AATF: variants seen among roughly 807,000 people sequenced by gnomAD.
AATF encodes protein AATF.
A neutral mutation model predicts 63.7 loss-of-function variants in AATF; 48 were observed. The ratio of observed to expected loss-of-function variants is 0.75; its 90% confidence interval spans 0.60 to 0.96. The LOEUF (loss-of-function observed/expected upper bound fraction) is 0.96, where lower values mean the gene tolerates loss of function less well. AATF is among the 40% of genes least tolerant of loss of function. The pLI is 0.00. For missense variants in AATF, 639 were observed against 685.7 expected (o/e 0.93, Z 0.76); for synonymous variants, 258 against 247.7 (o/e 1.04, Z -0.39).
chr17:36,963,445 A>G (rs772128665), intron 4 of AATF, among the ~76,000 whole-genome samples: 5 of 152,352 alleles, frequency 3.3e-5, no homozygotes, highest in Admixed American at 2.0e-4. Context: ...AGATAGCACA[A>G]TGCCACACAT....
At chr17:37,043,169 C>T (rs1249605131) in intron 11 of AATF, 1 of 152,154 alleles carries the variant, frequency 6.6e-6, no homozygotes, top group Non-Finnish European at 1.5e-5. Flanking sequence ...TACTCTTTGC[C>T]TCTAGCATAA....
chr17:36,981,357 T>G (rs1194227099), intron 4 of AATF, among the ~76,000 whole-genome samples: 3 of 152,166 alleles, frequency 2.0e-5, no homozygotes, highest in Non-Finnish European at 4.4e-5. Context: ...TCTGGGTGGT[T>G]GTTGATTTTA....
intron 8 of AATF, among the ~76,000 whole-genome samples, chr17:36,995,459 G>T (rs112449115): frequency 2.8e-4 from 42 of 152,150 alleles, no homozygotes; most frequent in Admixed American, 5.9e-4. Flanking sequence ...TGGTAGAATT[G>T]TATGCATTTA....
intron 9 of AATF, 99 bp downstream of exon 9, chr17:37,019,171 A>G (rs2071450751): frequency 2.1e-6 from 2 of 975,506 alleles, no homozygotes; most frequent in Non-Finnish European, 3.2e-6. Flanking sequence ...GATTGGTCCT[A>G]TAATTATTGA....
intron 4 of AATF, among the ~76,000 whole-genome samples, chr17:36,967,179 C>G (rs2070997795): frequency 6.6e-6 from 1 of 152,060 alleles, no homozygotes; most frequent in South Asian, 2.1e-4. Context: ...AGATTTAGCT[C>G]TTATTCCTAC....
At chr17:36,997,490 T>G (rs1252824164) in intron 8 of AATF, among the ~76,000 whole-genome samples, 1 of 152,186 alleles carries the variant, frequency 6.6e-6, no homozygotes, top group East Asian at 1.9e-4. Context: ...GCATCGCTAA[T>G]GATCAGGGAA....
In AATF at chr17:36,953,805, C is replaced by T; in HGVS notation, c.730C>T (p.Leu244=). The change falls in exon 4 of 12, where the codon CTA becomes TTA. Residue 244 remains leucine (L), a synonymous_variant. Transcript: ENST00000619387. The part of the protein sequence containing the change: ...WDQLLEGRIK[L]QKALLTTNQL... ...CCAGCTCTTGGAAGGAAGGATCAAA[C>T]TACAAAAAGCTCTGTTGACCACCAA... 6.2e-7 allele frequency: 1 copy of T among 1,614,092 alleles called. No homozygotes were observed. Among genetic ancestry groups the T allele is most frequent in the Non-Finnish European group, 8.5e-7 (1 of 1,179,998 alleles).
intron 4 of AATF, among the ~76,000 whole-genome samples, chr17:36,958,350 A>G (rs2070919044): frequency 1.3e-5 from 2 of 151,946 alleles, no homozygotes; most frequent in Non-Finnish European, 2.9e-5. Context: ...TTTTTTTAGT[A>G]GAGATGGGGT....
intron 11 of AATF, among the ~76,000 whole-genome samples, chr17:37,037,756 A>G (rs1464041408): frequency 6.6e-6 from 1 of 152,202 alleles, no homozygotes; most frequent in African/African-American, 2.4e-5. Flanking sequence ...TTGAAATGTA[A>G]TCCCCAGTGT....
In AATF at chr17:37,031,693, A is replaced by G; in HGVS notation, c.1619+8A>G. 2 of 1,611,146 alleles carry G rather than the reference A, an allele frequency of 1.2e-6. No homozygotes were observed. The highest frequency in any genetic ancestry group is 1.7e-6 in the Non-Finnish European group (2 of 1,177,226). ...AATGAATGATGATGCCAGGTGAGTA[A>G]TAGATTAATTATGTGTCTCAAATGG... On this transcript the variant is annotated splice_region_variant and intron_variant, in intron 11 of 11. Transcript: ENST00000619387.
chr17:37,055,656 G>A (rs1295389328), intron 11 of AATF: 1 of 152,230 alleles, frequency 6.6e-6, no homozygotes, highest in Non-Finnish European at 1.5e-5. Flanking sequence ...CGCCTGCCCT[G>A]TCTCTGTGAG....
At chr17:37,010,188 C>G (rs1046948951) in intron 8 of AATF, among the ~76,000 whole-genome samples, 1 of 152,116 alleles carries the variant, frequency 6.6e-6, no homozygotes, top group African/African-American at 2.4e-5. Context: ...GGCGCGGTGG[C>G]TCACGCCTAT....
In AATF at chr17:36,992,525, T is replaced by A. The variant is rs17573040; in HGVS notation, c.1398+1668T>A. Among the ~76,000 whole-genome samples, 216 of 152,036 alleles carry A rather than the reference T, an allele frequency of 1.4e-3. 1 individual carries two copies. The highest frequency in any genetic ancestry group is 4.7e-3 in the African/African-American group (193 of 41,462). ...ATTAATTGAAGTGTACATTGTTCGA[T>A]GAAAAGTGCATCATAAATTAAATAG... is the stretch of plus-strand genomic sequence containing the variant. On this transcript the variant is annotated intron_variant, in intron 8 of 11. Coordinates refer to ENST00000619387, the MANE Select transcript of AATF (RefSeq NM_012138.4).
intron 10 of AATF, among the ~76,000 whole-genome samples, chr17:37,022,235 T>C (rs2071478508): frequency 1.3e-5 from 2 of 152,158 alleles, no homozygotes; most frequent in Admixed American, 6.5e-5. Context: ...CTTAAACTTG[T>C]GTTAGGATAG....
intron 8 of AATF, among the ~76,000 whole-genome samples, chr17:36,995,992 G>A (rs899696427): frequency 1.3e-5 from 2 of 152,152 alleles, no homozygotes; most frequent in Admixed American, 1.3e-4. Flanking sequence ...CATGTCTTCT[G>A]TTCAGGGCAG....
chr17:36,983,843 A>G (rs560569000), intron 4 of AATF, among the ~76,000 whole-genome samples: 1 of 152,346 alleles, frequency 6.6e-6, no homozygotes, highest in South Asian at 2.1e-4. Context: ...TTGTATTTAT[A>G]TAGTTTGATA....
chr17:37,045,144 G>A (rs17694412), intron 11 of AATF, among the ~76,000 whole-genome samples: 17,745 of 152,178 alleles, frequency 0.12, 1,304 homozygotes, highest in Non-Finnish European at 0.16. Context: ...GGCAGCACCT[G>A]GTCATGGGAA....
At chr17:37,013,943 C>CTAGA (rs2071410925) in intron 8 of AATF, among the ~76,000 whole-genome samples, 1 of 152,086 alleles carries the variant, frequency 6.6e-6, no homozygotes, top group Non-Finnish European at 1.5e-5. Context: ...AGACCTCATC[C>CTAGA]TAGAGCTCTC....
intron 4 of AATF, among the ~76,000 whole-genome samples, chr17:36,968,263 C>CTTTTT: frequency 1.1e-5 from 1 of 88,242 alleles, no homozygotes; most frequent in African/African-American, 6.6e-5. Flanking sequence ...TCTTTCTTTC[C>CTTTTT]TTCTTTCTTT....
Sources: allele counts gnomAD v4.1 joint callset (sites outside exome capture counted in the v4.1 genomes callset), GRCh38; gene constraint gnomAD v4.1.1; transcripts MANE v1.5; gene names NCBI Gene and HGNC (gene_info 2026-07-23, HGNC 2026-07-21).